The following TENM2 variants were observed in gnomAD, a reference collection of about 807,000 sequenced individuals.
The protein encoded by TENM2 is teneurin-2.
A neutral mutation model predicts 245.2 loss-of-function variants in TENM2; 52 were observed. The ratio of observed to expected loss-of-function variants is 0.21; its 90% CI spans 0.17 to 0.27. The LOEUF is 0.27. Among genes scored for constraint, TENM2 ranks in the 10% least tolerant of loss-of-function variants. The pLI is 1.00. For synonymous variants in TENM2, 1,363 were observed against 1,438.9 expected, an observed-to-expected ratio of 0.95 and a Z score of 1.19; for missense variants, 3,046 against 3,666.8, an observed-to-expected ratio of 0.83 and a Z score of 4.37.
chr5:167,133,640 A>G, the TENM2 span, among the ~76,000 whole-genome samples: 1 of 151,736 alleles, frequency 6.6e-6, no homozygotes, highest in Non-Finnish European at 1.5e-5. Flanking sequence ...AAAAAGCAAA[A>G]AAGAATGGGC....
At chr5:168,118,395 G>A in exon 10 of TENM2, 1 of 1,611,594 alleles carries the variant, frequency 6.2e-7, no homozygotes, top group Non-Finnish European at 8.5e-7. Context: ...CCATGAATCA[G>A]TGCATCGATC....
At chr5:167,935,433 A>G (rs577960270) in intron 3 of TENM2, among the ~76,000 whole-genome samples, 9 of 152,242 alleles carry the variant, frequency 5.9e-5, no homozygotes, top group East Asian at 1.9e-4. Context: ...TGTTAATTAC[A>G]CCACACCTGT....
intron 3 of TENM2, among the ~76,000 whole-genome samples, chr5:167,949,461 G>C (rs546336009): frequency 6.6e-6 from 1 of 152,304 alleles, no homozygotes; most frequent in Non-Finnish European, 1.5e-5. Flanking sequence ...GAGAGCTGCA[G>C]TTATGTCTTA....
chr5:167,958,406 C>T (rs972072282), intron 4 of TENM2, among the ~76,000 whole-genome samples: 7 of 152,158 alleles, frequency 4.6e-5, no homozygotes, highest in African/African-American at 1.7e-4. Context: ...GAATACAGCA[C>T]ACTGATGGGT....
chr5:167,117,104 G>A, the TENM2 span, among the ~76,000 whole-genome samples: 1 of 152,180 alleles, frequency 6.6e-6, no homozygotes, highest in Non-Finnish European at 1.5e-5. Flanking sequence ...TATACCTAAG[G>A]CCTTGCAAAA....
intron 15 of TENM2, among the ~76,000 whole-genome samples, chr5:168,197,967 G>A (rs529934884): frequency 2.4e-4 from 37 of 152,112 alleles, no homozygotes; most frequent in Non-Finnish European, 4.1e-4. Context: ...ACGTAGTATC[G>A]TTATAATTAC....
intron 20 of TENM2, among the ~76,000 whole-genome samples, chr5:168,212,998 C>A (rs1562287489): frequency 6.6e-6 from 1 of 152,224 alleles, no homozygotes; most frequent in African/African-American, 2.4e-5. Context: ...AATTAATTAT[C>A]TCTCTCATAG....
chr5:167,286,986 T>C (rs1754309201), intron 1 of TENM2, among the ~76,000 whole-genome samples: 1 of 152,256 alleles, frequency 6.6e-6, no homozygotes, highest in Admixed American at 6.5e-5. Flanking sequence ...CATGTTGTTA[T>C]TGAGCCCATA....
chr5:167,504,116 T>C (rs1769388440), intron 2 of TENM2, among the ~76,000 whole-genome samples: 1 of 152,154 alleles, frequency 6.6e-6, no homozygotes, highest in South Asian at 2.1e-4. Context: ...ATGGAACAGA[T>C]GCAGTTTTTG....
intron 1 of TENM2, among the ~76,000 whole-genome samples, chr5:167,350,846 GATATATATATGGGATGTATACATATGGAT>G (rs1315397298): frequency 2.1e-5 from 2 of 95,902 alleles, no homozygotes; most frequent in Non-Finnish European, 4.1e-5. Context: ...TATACATATG[GATATATATATGGGATGTATACATATGGAT>G]ATATATATAT....
intron 15 of TENM2, among the ~76,000 whole-genome samples, chr5:168,196,421 C>G (rs1761432737): frequency 6.6e-6 from 1 of 152,204 alleles, no homozygotes; most frequent in South Asian, 2.1e-4. Context: ...CAAAATTACT[C>G]TGGCCCTTGT....
intron 1 of TENM2, among the ~76,000 whole-genome samples, chr5:167,365,228 T>C (rs1759970232): frequency 6.6e-6 from 1 of 151,938 alleles, no homozygotes; most frequent in African/African-American, 2.4e-5. Context: ...ATTTAAAAAT[T>C]TTGGAACTGA....
intron 1 of TENM2, among the ~76,000 whole-genome samples, chr5:167,367,255 C>T (rs750431193): frequency 6.6e-6 from 1 of 152,012 alleles, no homozygotes; most frequent in South Asian, 2.1e-4. Context: ...AATGTTTGGA[C>T]ACATCAGAAG....
chr5:168,191,652 C>T (rs982457390), intron 14 of TENM2, among the ~76,000 whole-genome samples: 3 of 152,134 alleles, frequency 2.0e-5, no homozygotes, highest in African/African-American at 7.2e-5. Flanking sequence ...TTCTCTTTAG[C>T]CTCATTCAGG....
the TENM2 span, among the ~76,000 whole-genome samples, chr5:166,988,391 T>C: frequency 6.6e-6 from 1 of 152,240 alleles, no homozygotes; most frequent in Non-Finnish European, 1.5e-5. Flanking sequence ...TAAGGATTTA[T>C]GAAATTGTTT....
intron 2 of TENM2, among the ~76,000 whole-genome samples, chr5:167,831,786 A>T (rs1768519791): frequency 6.6e-6 from 1 of 152,158 alleles, no homozygotes; most frequent in South Asian, 2.1e-4. Flanking sequence ...GGAGGAAACA[A>T]CAACAACAAC....
chr5:167,436,115 G>A lies in TENM2; in HGVS notation c.502+60642G>A, dbSNP rs1764543059. Among the ~76,000 whole-genome samples, 4 of 150,882 alleles carry A rather than the reference G, an allele frequency of 2.7e-5. No homozygotes were observed. The South Asian group carries it at 8.4e-4, about 32-fold the overall frequency. ...TGCCTCAGCCTCCCGAGTAGCTGGG[G>A]TTACAGTTGCCCACCACCACACCCG... On this transcript the variant is annotated intron_variant, in intron 2 of 28. Coordinates refer to ENST00000518659, the Ensembl canonical transcript of TENM2.
rs1761349628 is a variant in TENM2 at position 168,195,582 on chromosome 5, GTGTGT to G, written c.2900+288_2900+292del. On this transcript the variant is annotated intron_variant, in intron 15 of 28. Coordinates refer to ENST00000518659, the Ensembl canonical transcript of TENM2. ...TGTGTGTGTGTGTGTGTGTGTGTGT[GTGTGT>G]GTGTGTGTGTGTGTGTGTGTGTGTT... Among the ~76,000 whole-genome samples the G allele has an allele frequency of 2.0e-5, 3 of 148,852 alleles. No individual in the cohort carries two copies. In the South Asian group the frequency reaches 6.4e-4, roughly 32 times the overall value.
intron 9 of TENM2, among the ~76,000 whole-genome samples, chr5:168,107,298 A>G (rs956917983): frequency 6.6e-6 from 1 of 152,046 alleles, no homozygotes; most frequent in Non-Finnish European, 1.5e-5. Context: ...CAACCTCTCC[A>G]TGATGGTATT....
Sources: gnomAD v4.1 joint callset for allele counts (sites outside exome capture counted in the v4.1 genomes callset) on GRCh38, gnomAD v4.1.1 for gene constraint, MANE v1.5 for transcripts, NCBI Gene and HGNC (gene_info 2026-07-23, HGNC 2026-07-21) for gene names.